WDR55: variants seen among roughly 807,000 people sequenced by gnomAD.
WDR55 encodes WD repeat domain 55, also known as WD repeat-containing protein 55.
In WDR55, 31 loss-of-function variants were observed where a neutral mutation model predicts 34.0. The ratio of observed to expected loss-of-function variants is 0.91; its 90% CI spans 0.69 to 1.23. The LOEUF (loss-of-function observed/expected upper bound fraction) is 1.23, where lower values mean the gene tolerates loss of function less well. Ranked by LOEUF, WDR55 falls within the 50% of genes most tolerant of loss-of-function variation. The pLI is 0.00. For missense variants in WDR55, 440 were observed against 494.6 expected (o/e 0.89, Z 1.05); for synonymous variants, 164 against 185.9 (o/e 0.88, Z 0.96).
Position 140,671,892 on chromosome 5 carries a change from T to G in WDR55, c.*2238T>G. 1.1e-6 allele frequency: 1 copy of G among 937,206 alleles called. No individual in the cohort carries two copies. Among genetic ancestry groups the G allele is most frequent in the Non-Finnish European group, 1.7e-6 (1 of 600,032 alleles). The allele number at this position is 937,206 out of a possible 1,614,324, so 58.1% of individuals were successfully genotyped here. A position where few individuals can be genotyped will look rare whatever the true frequency, so the allele number is the denominator to read the frequency against. ...TGTGACCATGGGTAAGAAAAGACAATGAAGCCTTCAGCCTCCATTATTTGC... is the reference window on the plus strand; with the variant it reads ...TGTGACCATGGGTAAGAAAAGACAAGGAAGCCTTCAGCCTCCATTATTTGC... On this transcript the variant is annotated 3_prime_UTR_variant, in exon 7 of 7. Coordinates refer to ENST00000358337, the MANE Select transcript of WDR55 (RefSeq NM_017706.5).
In WDR55 at chr5:140,664,907, C is replaced by A; in HGVS notation, c.-6C>A. The A allele has an allele frequency of 6.3e-7, 1 of 1,593,690 alleles. No individual in the cohort carries two copies. The highest frequency in any genetic ancestry group is 8.5e-7 in the Non-Finnish European group (1 of 1,170,556). ...TGCGGCGGCGCGGCTCGCAGTCCTT[C>A]TCAGCATGGACCGCACTTGTGAGGA... On this transcript the variant is annotated 5_prime_UTR_variant, in exon 1 of 7. Transcript: ENST00000358337.
chr5:140,668,015 C>T (rs2302104), intron 1 of WDR55: 93,734 of 430,964 alleles, frequency 0.22, 11,312 homozygotes, highest in East Asian at 0.29. Context: ...AGAAATCTTG[C>T]GCAAATATAC....
At chr5:140,666,688 C>G (rs1326490915) in intron 1 of WDR55, 2 of 984,466 alleles carry the variant, frequency 2.0e-6, no homozygotes, top group East Asian at 2.3e-4. Flanking sequence ...CAGAGAAATA[C>G]CTTTTACATT....
In WDR55 at chr5:140,672,279, TG is replaced by T; in HGVS notation, c.*2627del. On this transcript the variant is annotated 3_prime_UTR_variant, in exon 7 of 7. Coordinates refer to ENST00000358337, the MANE Select transcript of WDR55 (RefSeq NM_017706.5). Reference sequence around the variant, plus strand: ...AAGTGTCACAAATTTAGGTAAGCGGTGGTGGTAGCACCATTGGAAGTTTTAA... The same window carrying T: ...AAGTGTCACAAATTTAGGTAAGCGGTGTGGTAGCACCATTGGAAGTTTTAA... The T allele has an allele frequency of 1.4e-6, 1 of 724,482 alleles. No individual in the cohort carries two copies. Among genetic ancestry groups the T allele is most frequent in the Non-Finnish European group, 2.2e-6 (1 of 446,828 alleles). 44.9% of individuals were successfully genotyped at this position (724,482 alleles called of 1,614,324 possible).
rs702397 is a variant in WDR55, at chr5:140,670,680, A to G, written c.*1026A>G. The G allele has an allele frequency of 0.51, 83,119 of 162,646 alleles. 22,074 individuals are homozygous for G. The highest frequency in any genetic ancestry group is 0.66 in the African/African-American group (27,238 of 41,528). 10.1% of individuals were successfully genotyped at this position (162,646 alleles called of 1,614,324 possible). ...TGAATTTATAATACCCTACAGTGCAACACAAGAAGATGCACTCAAAGCACT... is the reference window on the plus strand; with the variant it reads ...TGAATTTATAATACCCTACAGTGCAGCACAAGAAGATGCACTCAAAGCACT... On this transcript the variant is annotated 3_prime_UTR_variant, in exon 7 of 7. Coordinates refer to ENST00000358337, the MANE Select transcript of WDR55 (RefSeq NM_017706.5).
At chr5:140,667,089 G>A (rs1011238929) in intron 1 of WDR55, 2 of 985,438 alleles carry the variant, frequency 2.0e-6, no homozygotes, top group Non-Finnish European at 2.4e-6. Context: ...TTGCAGTACA[G>A]CACCTAAGCA....
At chr5:140,667,020 C>A in intron 1 of WDR55, 1 of 985,376 alleles carries the variant, frequency 1.0e-6, no homozygotes, top group Non-Finnish European at 1.2e-6. Context: ...AGCGTGTTAA[C>A]TTCTGTATTT....
Position 140,667,985 on chromosome 5 carries a change from G to A in WDR55, c.192-249G>A. 4 of 340,632 alleles carry A rather than the reference G, an allele frequency of 1.2e-5. No homozygotes were observed. The South Asian group carries it at 2.1e-4, about 18-fold the overall frequency. The allele number at this position is 340,632 out of a possible 1,614,324, so 21.1% of individuals were successfully genotyped here. ...CTGGGGCTTTCAAAGATGATAAAGA[G>A]GGGTTGGGTGGGATCACAAAGAAAT... On this transcript the variant is annotated intron_variant, in intron 1 of 6. Transcript: ENST00000358337.
Position 140,671,957 on chromosome 5 carries a change from G to A in WDR55, c.*2303G>A, listed in dbSNP as rs1758088456. 8.0e-6 allele frequency: 5 copies of A among 628,842 alleles called. No individual in the cohort carries two copies. The highest frequency in any genetic ancestry group is 1.8e-5 in the African/African-American group (1 of 54,576). The allele number at this position is 628,842 out of a possible 1,614,324, so 39.0% of individuals were successfully genotyped here. ...ACACTGCTACCTTACAAGTTTCCTT[G>A]GAGAAGTACTGGTTAATTGCAGGCT... On this transcript the variant is annotated 3_prime_UTR_variant, in exon 7 of 7. Transcript: ENST00000358337.
In WDR55 at chr5:140,671,809, G is replaced by T. The variant is rs73271573; in HGVS notation, c.*2155G>T. The T allele has an allele frequency of 3.8e-3, 5,831 of 1,532,892 alleles. 210 individuals are homozygous for T. In the African/African-American group the frequency reaches 0.072, roughly 19 times the overall value. 95.0% of individuals were successfully genotyped at this position (1,532,892 alleles called of 1,614,324 possible). On this transcript the variant is annotated 3_prime_UTR_variant, in exon 7 of 7. Coordinates refer to ENST00000358337, the MANE Select transcript of WDR55 (RefSeq NM_017706.5). ...AAACCCTGGGCCCAAGCCTCCAGGT[G>T]GTGAGCCCTTTGGAGCTACACAGTC...
At position 140,671,440 on chromosome 5, in the gene WDR55, G is replaced by C; in HGVS notation, c.*1786G>C. ...GGCCATCTAGGGTCAGCACAACCCA[G>C]ATGAGGCCGCTGAAGGGCACCGGAT... On this transcript the variant is annotated 3_prime_UTR_variant, in exon 7 of 7. Transcript: ENST00000358337. 6.2e-7 allele frequency: 1 copy of C among 1,611,762 alleles called. No individual in the cohort carries two copies. The highest frequency in any genetic ancestry group is 8.5e-7 in the Non-Finnish European group (1 of 1,179,768).
intron 1 of WDR55, among the ~76,000 whole-genome samples, chr5:140,665,462 A>G (rs1757896962): frequency 6.6e-6 from 1 of 152,092 alleles, no homozygotes; most frequent in Non-Finnish European, 1.5e-5. Flanking sequence ...GGGTTCAAGC[A>G]GTTCTCTTCC....
At position 140,671,354 on chromosome 5, in the gene WDR55, T is replaced by C. The variant is rs1017627641; in HGVS notation, c.*1700T>C. 1 of 1,612,696 alleles carries C rather than the reference T, an allele frequency of 6.2e-7. No individual in the cohort carries two copies. Among genetic ancestry groups the C allele is most frequent in the Non-Finnish European group, 8.5e-7 (1 of 1,179,904 alleles). On this transcript the variant is annotated 3_prime_UTR_variant, in exon 7 of 7. Coordinates refer to ENST00000358337, the MANE Select transcript of WDR55 (RefSeq NM_017706.5). ...AGACCACAGGAGGTTGGCCCCAGAC[T>C]CACTGAGTGCCTGCAGCAGCCGTAC...
chr5:140,666,366 A>C (rs1482347805), intron 1 of WDR55, among the ~76,000 whole-genome samples: 2 of 152,224 alleles, frequency 1.3e-5, no homozygotes, highest in Non-Finnish European at 2.9e-5. Flanking sequence ...ATTGCACTCC[A>C]GCCTGGGCAA....
Position 140,664,939 on chromosome 5 carries a change from C to T in WDR55, c.27C>T (p.Pro9=), listed in dbSNP as rs978082619. The T allele has an allele frequency of 3.7e-6, 6 of 1,609,568 alleles. No homozygotes were observed. The highest frequency in any genetic ancestry group is 1.3e-5 in the African/African-American group (1 of 74,860). ...TGGACCGCACTTGTGAGGAGAGGCC[C>T]GCTGAGGATGGGAGCGACGAGGAGG... MDRTCEER[P]AEDGSDEEDP... Residue 9 remains proline, a synonymous_variant, in exon 1 of 7, where the codon CCC becomes CCT. Transcript: ENST00000358337.
At position 140,669,348 on chromosome 5, in the gene WDR55, A is replaced by C; in HGVS notation, c.846A>C (p.Leu282=). ...TDGVIRAVNI[L]PNRVVGSVGQ... is the part of the protein sequence containing the mutation. ...CCCTGCCCAGGGCTGTGAACATCCT[A>C]CCGAACCGAGTGGTGGGCAGTGTGG... is the stretch of plus-strand genomic sequence containing the variant. The change falls in exon 7 of 7, where the codon CTA becomes CTC. Residue 282 remains leucine (L), a synonymous_variant. Coordinates refer to ENST00000358337, the MANE Select transcript of WDR55 (RefSeq NM_017706.5). 6.2e-7 allele frequency: 1 copy of C among 1,611,308 alleles called. No homozygotes were observed. The highest frequency in any genetic ancestry group is 8.5e-7 in the Non-Finnish European group (1 of 1,177,918).
rs1259347793 is a variant in WDR55, at chr5:140,670,313, G to C, written c.*659G>C. ...GGCCTCCCAAAATGCTGGGATTACAGGCATGAGCCACTGTGCCTGGCTGGA... is the reference window on the plus strand; with the variant it reads ...GGCCTCCCAAAATGCTGGGATTACACGCATGAGCCACTGTGCCTGGCTGGA... On this transcript the variant is annotated 3_prime_UTR_variant, in exon 7 of 7. Coordinates refer to ENST00000358337, the MANE Select transcript of WDR55 (RefSeq NM_017706.5). 1 of 152,514 alleles carries C rather than the reference G, an allele frequency of 6.6e-6. No individual in the cohort carries two copies. Among genetic ancestry groups the C allele is most frequent in the East Asian group, 1.9e-4 (1 of 5,224 alleles). The allele number at this position is 152,514 out of a possible 1,614,324, so 9.4% of individuals were successfully genotyped here. A position where few individuals can be genotyped will look rare whatever the true frequency, so the allele number is the denominator to read the frequency against.
In WDR55 at chr5:140,670,970, AAAG is replaced by A. The variant is rs1410828309; in HGVS notation, c.*1321_*1323del. ...AACAAAGAGGACAAATCAGGACAAT[AAAG>A]AAGATTCATGCTAAGCTGTGGCAGA... On this transcript the variant is annotated 3_prime_UTR_variant, in exon 7 of 7. Transcript: ENST00000358337. The A allele has an allele frequency of 4.6e-6, 2 of 432,368 alleles. No homozygotes were observed. The highest frequency in any genetic ancestry group is 4.0e-5 in the African/African-American group (2 of 49,954). The allele number at this position is 432,368 out of a possible 1,614,324, so 26.8% of individuals were successfully genotyped here. A position where few individuals can be genotyped will look rare whatever the true frequency, so the allele number is the denominator to read the frequency against.
In WDR55 at chr5:140,671,724, C is replaced by T; in HGVS notation, c.*2070C>T. On this transcript the variant is annotated 3_prime_UTR_variant, in exon 7 of 7. Transcript: ENST00000358337. Reference sequence around the variant, plus strand: ...TCTGGCTTGAGCCACTCCACAGCCACCTGCTCTCCACAGAGGTGTGACTGC... The same window carrying T: ...TCTGGCTTGAGCCACTCCACAGCCATCTGCTCTCCACAGAGGTGTGACTGC... The T allele has an allele frequency of 6.3e-7, 1 of 1,579,330 alleles. No homozygotes were observed. The highest frequency in any genetic ancestry group is 8.6e-7 in the Non-Finnish European group (1 of 1,162,082).
Sources: gnomAD v4.1 joint callset for allele counts (sites outside exome capture counted in the v4.1 genomes callset) on GRCh38, gnomAD v4.1.1 for gene constraint, MANE v1.5 for transcripts, NCBI Gene and HGNC (gene_info 2026-07-23, HGNC 2026-07-21) for gene names.